BTBD9: variants seen among roughly 807,000 people sequenced by gnomAD.
The protein encoded by BTBD9 is BTB/POZ domain-containing protein 9.
A neutral mutation model predicts 64.3 loss-of-function variants in BTBD9; 49 were observed. That is an observed-to-expected ratio of 0.76 (90% CI 0.61 to 0.97). The LOEUF (loss-of-function observed/expected upper bound fraction) is 0.97. Among genes scored for constraint, BTBD9 ranks in the 50% least tolerant of loss-of-function variants. The probability of loss-of-function intolerance (pLI) is 0.00; values close to 1 mark genes in which losing one functional copy is unlikely to be tolerated. For missense variants in BTBD9, 598 were observed against 762.1 expected (o/e 0.78, Z 2.53); for synonymous variants, 260 against 274.7 (o/e 0.95, Z 0.53).
At chr6:38,405,475 T>C (rs997561320) in intron 6 of BTBD9, among the ~76,000 whole-genome samples, 10 of 152,154 alleles carry the variant, frequency 6.6e-5, no homozygotes, top group East Asian at 3.9e-4. Context: ...TAAAAACTTA[T>C]AGGAAGTTGG....
intron 7 of BTBD9, among the ~76,000 whole-genome samples, chr6:38,332,369 T>C (rs1359017486): frequency 6.6e-6 from 1 of 152,218 alleles, no homozygotes; most frequent in Non-Finnish European, 1.5e-5. Context: ...CATGTAACTG[T>C]TTGCAATTGT....
intron 6 of BTBD9, among the ~76,000 whole-genome samples, chr6:38,462,797 T>TTTTTG (rs977556923): frequency 2.0e-5 from 3 of 152,126 alleles, no homozygotes; most frequent in South Asian, 2.1e-4. Context: ...CTCTAAGCTT[T>TTTTTG]TTTTGTTTTG....
chr6:38,556,059 CT>C (rs1198659654), intron 6 of BTBD9, among the ~76,000 whole-genome samples: 1 of 152,146 alleles, frequency 6.6e-6, no homozygotes, highest in Non-Finnish European at 1.5e-5. Flanking sequence ...CCTATGCAAC[CT>C]TCAAAACTGC....
chr6:38,627,604 T>C (rs1418751005), intron 1 of BTBD9, among the ~76,000 whole-genome samples: 2 of 152,146 alleles, frequency 1.3e-5, no homozygotes, highest in Non-Finnish European at 2.9e-5. Flanking sequence ...AATGAACCAA[T>C]GGTAAGCTGT....
At chr6:38,489,283 T>C (rs189812754) in intron 6 of BTBD9, among the ~76,000 whole-genome samples, 7 of 152,172 alleles carry the variant, frequency 4.6e-5, no homozygotes, top group East Asian at 1.9e-4. Flanking sequence ...CTGGGAAACA[T>C]AGCAAGACCC....
At chr6:38,344,899 T>G in intron 7 of BTBD9, 85 bp downstream of exon 7, 2 of 874,226 alleles carry the variant, frequency 2.3e-6, no homozygotes, top group Admixed American at 2.3e-5. Context: ...TCCTTAGAAC[T>G]GATTAAGATA....
intron 8 of BTBD9, among the ~76,000 whole-genome samples, chr6:38,270,141 A>C (rs1489445981): frequency 6.6e-6 from 1 of 152,224 alleles, no homozygotes; most frequent in Admixed American, 6.5e-5. Context: ...CTGCAAATTA[A>C]ACTGTTTCTT....
chr6:38,635,594 T>C (rs1778502801), intron 1 of BTBD9, among the ~76,000 whole-genome samples: 1 of 152,182 alleles, frequency 6.6e-6, no homozygotes, highest in Non-Finnish European at 1.5e-5. Context: ...ATGAATGAAT[T>C]AATGCCAGTA....
At chr6:38,233,685 G>T (rs897353000) in intron 9 of BTBD9, among the ~76,000 whole-genome samples, 2 of 152,172 alleles carry the variant, frequency 1.3e-5, no homozygotes, top group African/African-American at 4.8e-5. Context: ...AATGACAGAA[G>T]AACACAATCT....
intron 1 of BTBD9, among the ~76,000 whole-genome samples, chr6:38,605,751 G>A (rs928838871): frequency 6.6e-6 from 1 of 152,146 alleles, no homozygotes; most frequent in Non-Finnish European, 1.5e-5. Context: ...CCAAGAGGTC[G>A]AGGCGGCAGT....
chr6:38,363,674 G>C (rs1765068596), intron 6 of BTBD9, among the ~76,000 whole-genome samples: 1 of 152,166 alleles, frequency 6.6e-6, no homozygotes, highest in Non-Finnish European at 1.5e-5. Context: ...GGGAAAAATA[G>C]AAAGGGAAGA....
At chr6:38,563,741 C>T (rs1775348222) in intron 6 of BTBD9, among the ~76,000 whole-genome samples, 1 of 151,556 alleles carries the variant, frequency 6.6e-6, no homozygotes, top group Admixed American at 6.6e-5. Flanking sequence ...CCTGTCTCTG[C>T]TCCAAACGCT....
intron 8 of BTBD9, among the ~76,000 whole-genome samples, chr6:38,278,961 C>T (rs1761395960): frequency 6.6e-6 from 1 of 152,186 alleles, no homozygotes; most frequent in African/African-American, 2.4e-5. Context: ...AACCAATCCC[C>T]CTTGCACTGA....
chr6:38,179,375 A>G (rs1489189602), intron 10 of BTBD9: 13 of 454,062 alleles, frequency 2.9e-5, no homozygotes, highest in Non-Finnish European at 4.4e-6. Flanking sequence ...TGAGACTGAT[A>G]AAGGAGAGCG....
At position 38,417,800 on chromosome 6, in the gene BTBD9, G is replaced by GAGAGAGAGAGAGAGA. The variant is rs1554149297; in HGVS notation, c.1155-72708_1155-72707insTCTCTCTCTCTCTCT. On this transcript the variant is annotated intron_variant, in intron 6 of 10. Coordinates refer to ENST00000481247, the MANE Select transcript of BTBD9 (RefSeq NM_001099272.2). ...GGAGAGAGAGAGAGAGAGAGAGAGAGAAAAAAAATATTGACACATAACTGG... is the reference window on the plus strand; with the variant it reads ...GGAGAGAGAGAGAGAGAGAGAGAGAGAGAGAGAGAGAGAGAAAAAAAAATATTGACACATAACTGG... Among the ~76,000 whole-genome samples the GAGAGAGAGAGAGAGA allele has an allele frequency of 2.3e-3, 336 of 143,018 alleles. 3 individuals carry two copies. Among genetic ancestry groups the GAGAGAGAGAGAGAGA allele is most frequent in the African/African-American group, 8.7e-3 (320 of 36,700 alleles). The allele number at this position is 143,018 out of a possible 152,430, so 93.8% of individuals were successfully genotyped here.
At chr6:38,198,669 A>T (rs1282672430) in intron 9 of BTBD9, among the ~76,000 whole-genome samples, 1 of 152,254 alleles carries the variant, frequency 6.6e-6, no homozygotes, top group Non-Finnish European at 1.5e-5. Context: ...AACACTGGGG[A>T]GACAGAGACA....
At chr6:38,397,809 G>T (rs1247151035) in intron 6 of BTBD9, among the ~76,000 whole-genome samples, 1 of 152,214 alleles carries the variant, frequency 6.6e-6, no homozygotes, top group African/African-American at 2.4e-5. Flanking sequence ...TAGGGCTGAG[G>T]GGTTAGTTAA....
chr6:38,439,425 G>T (rs1442321743), intron 6 of BTBD9, among the ~76,000 whole-genome samples: 4 of 151,412 alleles, frequency 2.6e-5, no homozygotes, highest in Admixed American at 1.3e-4. Context: ...ACCATGCCCA[G>T]CCTGTTTTTT....
rs981651789 is a variant in BTBD9, at chr6:38,299,383, T to G, written c.1265-10922A>C. ...TTGGGTATATACCCAGTAATGGGAT[T>G]GCTGGGTCAAATGGTATTTCTAGTT... On this transcript the variant is annotated intron_variant, in intron 7 of 10. Transcript: ENST00000481247. Among the ~76,000 whole-genome samples, 150 of 152,298 alleles carry G rather than the reference T, an allele frequency of 9.8e-4. 2 individuals are homozygous for G. The highest frequency in any genetic ancestry group is 7.3e-3 in the East Asian group (38 of 5,184).
Sources: gnomAD v4.1 joint callset for allele counts (sites outside exome capture counted in the v4.1 genomes callset) on GRCh38, gnomAD v4.1.1 for gene constraint, MANE v1.5 for transcripts, NCBI Gene and HGNC (gene_info 2026-07-23, HGNC 2026-07-21) for gene names.